Variants in MAGI1 observed in about 807,000 individuals in gnomAD.
MAGI1 encodes membrane-associated guanylate kinase, WW and PDZ domain-containing protein 1.
A neutral mutation model predicts 139.9 loss-of-function variants in MAGI1; 58 were observed. That is an observed-to-expected ratio of 0.41 (90% CI 0.34 to 0.52). MAGI1 has a LOEUF of 0.52. Ranked by LOEUF, MAGI1 falls within the 20% of genes least tolerant of loss-of-function variation. The probability of loss-of-function intolerance (pLI) is 0.12; values close to 1 mark genes in which losing one functional copy is unlikely to be tolerated. For missense variants in MAGI1, 1,874 were observed against 1,901.6 expected, an observed-to-expected ratio of 0.99 and a Z score of 0.27; for synonymous variants, 812 against 737.9, an observed-to-expected ratio of 1.10 and a Z score of -1.63.
chr3:65,934,092 G>C (rs551629523), intron 1 of MAGI1, among the ~76,000 whole-genome samples: 4 of 152,290 alleles, frequency 2.6e-5, no homozygotes. Flanking sequence ...CTGCACTCCA[G>C]CCTGGGCACG....
chr3:65,720,504 C>T (rs2032877016), intron 1 of MAGI1, among the ~76,000 whole-genome samples: 1 of 152,112 alleles, frequency 6.6e-6, no homozygotes, highest in African/African-American at 2.4e-5. Context: ...CAGTCCCATC[C>T]CCTAACCAAT....
At chr3:65,530,714 T>C (rs113907130) in intron 2 of MAGI1, among the ~76,000 whole-genome samples, 4 of 127,976 alleles carry the variant, frequency 3.1e-5, no homozygotes, top group Non-Finnish European at 6.6e-5. Flanking sequence ...TATACACGTG[T>C]ATATATATAC....
intron 2 of MAGI1, among the ~76,000 whole-genome samples, chr3:65,562,078 AAATTT>A (rs2080380199): frequency 6.7e-6 from 1 of 150,220 alleles, no homozygotes. Context: ...CCTAATTTAT[AAATTT>A]AACATAGGTA....
intron 13 of MAGI1, among the ~76,000 whole-genome samples, chr3:65,395,072 C>T (rs963395276): frequency 1.3e-5 from 2 of 152,134 alleles, no homozygotes; most frequent in Non-Finnish European, 2.9e-5. Flanking sequence ...AGCCCAGGCC[C>T]TCCTAAGTGT....
At chr3:65,433,073 A>G (rs1947582270) in intron 10 of MAGI1, among the ~76,000 whole-genome samples, 1 of 152,194 alleles carries the variant, frequency 6.6e-6, no homozygotes, top group Admixed American at 6.5e-5. Context: ...GCAGGTACAT[A>G]AAACCACTAG....
chr3:65,915,997 T>C (rs2061885305), intron 1 of MAGI1, among the ~76,000 whole-genome samples: 1 of 148,700 alleles, frequency 6.7e-6, no homozygotes, highest in African/African-American at 2.4e-5. Context: ...ATATAATATG[T>C]ATATATTTAT....
chr3:65,539,986 G>A (rs1407492263), intron 2 of MAGI1, among the ~76,000 whole-genome samples: 1 of 152,034 alleles, frequency 6.6e-6, no homozygotes, highest in African/African-American at 2.4e-5. Context: ...AGGCAAGTAA[G>A]GTAACCTCTC....
intron 5 of MAGI1, among the ~76,000 whole-genome samples, chr3:65,469,296 C>G (rs373633179): frequency 6.6e-6 from 1 of 152,062 alleles, no homozygotes; most frequent in East Asian, 1.9e-4. Flanking sequence ...ACGAGTATAA[C>G]AGATGAATCT....
chr3:65,471,785 T>C (rs1950574859), intron 4 of MAGI1, among the ~76,000 whole-genome samples: 1 of 152,146 alleles, frequency 6.6e-6, no homozygotes, highest in Admixed American at 6.5e-5. Flanking sequence ...GCAAACAAAT[T>C]TGAATGTCAG....
chr3:65,940,728 T>C (rs975221234), intron 1 of MAGI1, among the ~76,000 whole-genome samples: 1 of 152,204 alleles, frequency 6.6e-6, no homozygotes, highest in Non-Finnish European at 1.5e-5. Flanking sequence ...ATGGAACTAC[T>C]ACAAGGAGTA....
chr3:65,710,907 T>C (rs1034419012), intron 1 of MAGI1, among the ~76,000 whole-genome samples: 4 of 152,202 alleles, frequency 2.6e-5, no homozygotes, highest in Admixed American at 1.3e-4. Context: ...TCTCCAACTG[T>C]TCCTTTTTTC....
At chr3:65,516,919 G>A (rs914622601) in intron 2 of MAGI1, among the ~76,000 whole-genome samples, 11 of 149,710 alleles carry the variant, frequency 7.3e-5, no homozygotes, top group Admixed American at 6.7e-4. Context: ...TAGTAGAGAC[G>A]GGGTTTCACC....
In MAGI1 at chr3:65,895,457, C is replaced by G. The variant is rs9864348; in HGVS notation, c.313+142539G>C. 8.9e-3 allele frequency among the ~76,000 whole-genome samples: 1,354 copies of G among 152,298 alleles called. 19 individuals carry two copies. The highest frequency in any genetic ancestry group is 0.03 in the African/African-American group (1,265 of 41,548). On this transcript the variant is annotated intron_variant, in intron 1 of 22. Coordinates refer to ENST00000402939, the MANE Select transcript of MAGI1 (RefSeq NM_001033057.2). The stretch of plus-strand genomic sequence containing the variant: ...AAACTGCCACCCTCAGGGTCAGAGA[C>G]CAGAATTCTCAAAAGTACTACAATT...
intron 1 of MAGI1, among the ~76,000 whole-genome samples, chr3:65,680,675 A>G (rs1241765064): frequency 1.3e-5 from 2 of 152,104 alleles, no homozygotes; most frequent in Non-Finnish European, 2.9e-5. Context: ...CCGGCCTCAG[A>G]CTTCCAAAGT....
intron 1 of MAGI1, among the ~76,000 whole-genome samples, chr3:65,904,041 A>C (rs1228647461): frequency 2.0e-5 from 3 of 152,132 alleles, no homozygotes; most frequent in Non-Finnish European, 2.9e-5. Flanking sequence ...AATCATTCTA[A>C]TTTCCTCAAA....
intron 1 of MAGI1, among the ~76,000 whole-genome samples, chr3:65,704,573 C>T (rs573330540): frequency 6.6e-6 from 1 of 152,154 alleles, no homozygotes; most frequent in Non-Finnish European, 1.5e-5. Flanking sequence ...CCTCATCTGA[C>T]TTGGCACCAA....
chr3:65,537,455 T>G (rs2079011441), intron 2 of MAGI1, among the ~76,000 whole-genome samples: 1 of 152,188 alleles, frequency 6.6e-6, no homozygotes, highest in South Asian at 2.1e-4. Flanking sequence ...CACTGTTATT[T>G]ATTCATGTGT....
At chr3:65,842,249 C>T (rs1182474902) in intron 1 of MAGI1, among the ~76,000 whole-genome samples, 1 of 152,122 alleles carries the variant, frequency 6.6e-6, no homozygotes, top group Non-Finnish European at 1.5e-5. Context: ...CTAAAATTTA[C>T]AATCCAGTTA....
chr3:65,998,000 G>A (rs1218993453), intron 1 of MAGI1, among the ~76,000 whole-genome samples: 3 of 151,634 alleles, frequency 2.0e-5, no homozygotes, highest in Non-Finnish European at 4.4e-5. Context: ...CTACTCAGGA[G>A]GATGAGGCTG....
Sources: gnomAD v4.1 joint callset for allele counts (sites outside exome capture counted in the v4.1 genomes callset) on GRCh38, gnomAD v4.1.1 for gene constraint, MANE v1.5 for transcripts, NCBI Gene and HGNC (gene_info 2026-07-23, HGNC 2026-07-21) for gene names.